The following RRP7A variants were observed in gnomAD, a reference collection of about 807,000 sequenced individuals.
The protein encoded by RRP7A is ribosomal RNA-processing protein 7 homolog A.
RRP7A carries 27 observed loss-of-function variants against 38.4 expected under a neutral mutation model. The ratio of observed to expected loss-of-function variants is 0.70; its 90% CI spans 0.52 to 0.97. The LOEUF is 0.97. Among genes scored for constraint, RRP7A ranks in the 50% least tolerant of loss-of-function variants. The pLI, the probability that RRP7A is intolerant of heterozygous loss-of-function variation, is 0.00. For synonymous variants in RRP7A, 124 were observed against 150.3 expected (o/e 0.83, Z 1.28); for missense variants, 327 against 375.4 (o/e 0.87, Z 1.07).
In RRP7A at chr22:42,509,171, T is replaced by C. The variant is rs1056566; in HGVS notation, c.*3739A>G. 0.28 allele frequency: 448,897 copies of C among 1,597,060 alleles called. 72,782 individuals are homozygous for C. The highest frequency in any genetic ancestry group is 0.88 in the East Asian group (39,212 of 44,644). ...AGGAGACATGGGCGCCAGGAATCTC[T>C]GGGAGGGGGCCCTGGCATGAGGCTC... On this transcript the variant is annotated 3_prime_UTR_variant, in exon 7 of 7. Coordinates refer to ENST00000323013, the MANE Select transcript of RRP7A (RefSeq NM_015703.5).
intron 1 of RRP7A, among the ~76,000 whole-genome samples, chr22:42,519,099 G>A (rs965720338): frequency 6.7e-6 from 1 of 148,958 alleles, no homozygotes. Context: ...TCCCTCAGAG[G>A]AACAGAAAGA....
In RRP7A at chr22:42,510,682, C is replaced by CCTGT; in HGVS notation, c.*2224_*2227dup. ...GAGAGAATTACTCTGACAAGGAGTC[C>CCTGT]CTGTCGTTCATGATAGACACAATGA... On this transcript the variant is annotated 3_prime_UTR_variant, in exon 7 of 7. Transcript: ENST00000323013. 1 of 1,447,636 alleles carries CCTGT rather than the reference C, an allele frequency of 6.9e-7. No homozygotes were observed. Among genetic ancestry groups the CCTGT allele is most frequent in the Non-Finnish European group, 9.5e-7 (1 of 1,050,864 alleles). 89.7% of individuals were successfully genotyped at this position (1,447,636 alleles called of 1,614,324 possible).
Position 42,511,976 on chromosome 22 carries a change from G to C in RRP7A, c.*934C>G. The C allele has an allele frequency of 1.4e-6, 1 of 697,286 alleles. No individual in the cohort carries two copies. Among genetic ancestry groups the C allele is most frequent in the East Asian group, 2.5e-5 (1 of 40,274 alleles). The allele number at this position is 697,286 out of a possible 1,614,324, so 43.2% of individuals were successfully genotyped here. A position where few individuals can be genotyped will look rare whatever the true frequency, so the allele number is the denominator to read the frequency against. On this transcript the variant is annotated 3_prime_UTR_variant, in exon 7 of 7. Coordinates refer to ENST00000323013, the MANE Select transcript of RRP7A (RefSeq NM_015703.5). ...TGGACTGTCGGGGCTCCAAGGAGCC[G>C]AGTGTGGGGGAAACTCACTGTGGGA...
intron 3 of RRP7A, among the ~76,000 whole-genome samples, 167 bp from the exon 4 acceptor site, chr22:42,515,435 A>C (rs1467595483): frequency 6.6e-6 from 1 of 152,252 alleles, no homozygotes; most frequent in East Asian, 1.9e-4. Context: ...GGTCAGAGGC[A>C]GCCACACTTC....
rs1271359092 is a variant in RRP7A, at chr22:42,518,065, C to G, written c.156G>C (p.Lys52Asn). 1 of 1,613,972 alleles carries G rather than the reference C, an allele frequency of 6.2e-7. No individual in the cohort carries two copies. Among genetic ancestry groups the G allele is most frequent in the Non-Finnish European group, 8.5e-7 (1 of 1,179,998 alleles). ...GAGTCCTCTTCTGAGGCCAGGTGGACTTGGTGCCTTGTCGAACGCCGTGTG... is the reference window on the plus strand; with the variant it reads ...GAGTCCTCTTCTGAGGCCAGGTGGAGTTGGTGCCTTGTCGAACGCCGTGTG... ...VRAHGVRQGT[K>N]STWPQKRTLF... Residue 52 changes from lysine (K) to asparagine (N), a missense_variant, in exon 2 of 7, where the codon AAG (lysine) becomes AAC (asparagine). Physicochemically the swap from Lys to Asn is moderately conservative, Grantham distance 94. This residue lies in a region of RRP7A where 183 missense variants were observed against 141.8 expected (regional missense o/e 1.29). Transcript: ENST00000323013.
Position 42,512,285 on chromosome 22 carries a change from G to C in RRP7A, c.*625C>G. The C allele has an allele frequency of 6.6e-7, 1 of 1,516,068 alleles. No homozygotes were observed. The allele number at this position is 1,516,068 out of a possible 1,614,324, so 93.9% of individuals were successfully genotyped here. Reference sequence around the variant, plus strand: ...ACCTAGTGCTCCCAGACTCAACACTGGGACTCTGAGTTCCTGAGCCCCACA... The same window carrying C: ...ACCTAGTGCTCCCAGACTCAACACTCGGACTCTGAGTTCCTGAGCCCCACA... On this transcript the variant is annotated 3_prime_UTR_variant, in exon 7 of 7. Transcript: ENST00000323013.
rs978928256 is a variant in RRP7A at position 42,510,166 on chromosome 22, T to C, written c.*2744A>G. The C allele has an allele frequency of 1.3e-5, 2 of 152,530 alleles. No homozygotes were observed. The highest frequency in any genetic ancestry group is 4.8e-5 in the African/African-American group (2 of 41,542). 9.4% of individuals were successfully genotyped at this position (152,530 alleles called of 1,614,324 possible). The stretch of plus-strand genomic sequence containing the variant: ...TTTTAGTACAGACAGGGTTTCACCA[T>C]GTTAGCCAGGATGGTCTCATCTCCT... On this transcript the variant is annotated 3_prime_UTR_variant, in exon 7 of 7. Transcript: ENST00000323013.
chr22:42,509,810 G>T lies in RRP7A; in HGVS notation c.*3100C>A, dbSNP rs1056171199. 2.2e-5 allele frequency among the ~76,000 whole-genome samples: 3 copies of T among 134,152 alleles called. No individual in the cohort carries two copies. Among genetic ancestry groups the T allele is most frequent in the African/African-American group, 8.1e-5 (3 of 36,816 alleles). The allele number at this position is 134,152 out of a possible 152,430, so 88.0% of individuals were successfully genotyped here. On this transcript the variant is annotated 3_prime_UTR_variant, in exon 7 of 7. Transcript: ENST00000323013. Reference sequence around the variant, plus strand: ...ACGGCAGAGACAAAGCCAGGTCATGGTTGCTCAGGACCGGAAGCCTGTTGG... The same window carrying T: ...ACGGCAGAGACAAAGCCAGGTCATGTTTGCTCAGGACCGGAAGCCTGTTGG...
At position 42,511,896 on chromosome 22, in the gene RRP7A, C is replaced by G; in HGVS notation, c.*1014G>C. ...CATGCAACTTCACAACTCAGCTGGC[C>G]TAGACCCCTGGGAGGCCTCCAAGTC... On this transcript the variant is annotated 3_prime_UTR_variant, in exon 7 of 7. Transcript: ENST00000323013. 1.6e-6 allele frequency: 1 copy of G among 607,444 alleles called. No individual in the cohort carries two copies. The highest frequency in any genetic ancestry group is 2.8e-5 in the East Asian group (1 of 35,368). 37.6% of individuals were successfully genotyped at this position (607,444 alleles called of 1,614,324 possible).
rs766211772 is a variant in RRP7A at position 42,519,795 on chromosome 22, C to A, written c.-9G>T. The A allele has an allele frequency of 2.6e-5, 37 of 1,418,472 alleles. No individual in the cohort carries two copies. Among genetic ancestry groups the A allele is most frequent in the Middle Eastern group, 2.4e-4 (1 of 4,174 alleles). The allele number at this position is 1,418,472 out of a possible 1,614,324, so 87.9% of individuals were successfully genotyped here. A position where few individuals can be genotyped will look rare whatever the true frequency, so the allele number is the denominator to read the frequency against. ...CTCCTGCGCGCCACCATCTTGCCAC[C>A]CGGGAGCGCGGGGGCCGCCGGGAGT... On this transcript the variant is annotated 5_prime_UTR_variant, in exon 1 of 7. Coordinates refer to ENST00000323013, the MANE Select transcript of RRP7A (RefSeq NM_015703.5).
At position 42,512,054 on chromosome 22, in the gene RRP7A, G is replaced by C; in HGVS notation, c.*856C>G. ...ATGCTGTGGGAGGGCCCTGACCCCG[G>C]GGCCCATGGAGCTCCCTAGGCTCCT... On this transcript the variant is annotated 3_prime_UTR_variant, in exon 7 of 7. Coordinates refer to ENST00000323013, the MANE Select transcript of RRP7A (RefSeq NM_015703.5). 1 of 1,268,408 alleles carries C rather than the reference G, an allele frequency of 7.9e-7. No individual in the cohort carries two copies. The highest frequency in any genetic ancestry group is 1.2e-6 in the Non-Finnish European group (1 of 867,610). 78.6% of individuals were successfully genotyped at this position (1,268,408 alleles called of 1,614,324 possible).
intron 1 of RRP7A, among the ~76,000 whole-genome samples, chr22:42,518,879 A>T (rs1337362983): frequency 6.6e-6 from 1 of 152,092 alleles, no homozygotes; most frequent in Non-Finnish European, 1.5e-5. Context: ...CTCAGTTGCA[A>T]TAACGGAGAA....
chr22:42,509,018 G>A lies in RRP7A; in HGVS notation c.*3892C>T, dbSNP rs1037293225. 6 of 1,611,360 alleles carry A rather than the reference G, an allele frequency of 3.7e-6. No homozygotes were observed. The highest frequency in any genetic ancestry group is 1.3e-5 in the African/African-American group (1 of 74,910). ...TGTGACGAGAATTCACCATGTTTTT[G>A]TCTCTGCAGGCAGAGAACAGCATTG... On this transcript the variant is annotated 3_prime_UTR_variant, in exon 7 of 7. Coordinates refer to ENST00000323013, the MANE Select transcript of RRP7A (RefSeq NM_015703.5).
chr22:42,516,897 C>T (rs1209645699), intron 2 of RRP7A, among the ~76,000 whole-genome samples: 4 of 152,280 alleles, frequency 2.6e-5, no homozygotes, highest in Middle Eastern at 3.4e-3. Context: ...GGTCAGAACT[C>T]ACACCCCCTC....
At chr22:42,516,550 T>C (rs1601807766) in intron 2 of RRP7A, 2 of 351,924 alleles carry the variant, frequency 5.7e-6, no homozygotes, top group Non-Finnish European at 1.1e-5. Context: ...TGACCTCAGG[T>C]GATCCGCCCG....
chr22:42,517,983 T>C, intron 2 of RRP7A, 22 bp downstream of exon 2: 1 of 1,609,376 alleles, frequency 6.2e-7, no homozygotes, highest in East Asian at 2.2e-5. Context: ...ACAGGTCTCC[T>C]CCCAGACAGA....
In RRP7A at chr22:42,516,001, G is replaced by T; in HGVS notation, c.342+10C>A. 6.3e-7 allele frequency: 1 copy of T among 1,584,550 alleles called. No homozygotes were observed. Among genetic ancestry groups the T allele is most frequent in the South Asian group, 1.1e-5 (1 of 87,082 alleles). On this transcript the variant is annotated intron_variant, in intron 3 of 6. Transcript: ENST00000323013. ...CTCACTCTAGTGGAACCCCGGGCTT[G>T]GCGGCTCACCGGAACTGGCTTGGGA...
At position 42,514,741 on chromosome 22, in the gene RRP7A, C is replaced by T; in HGVS notation, c.499G>A (p.Glu167Lys). 1 of 1,611,866 alleles carries T rather than the reference C, an allele frequency of 6.2e-7. No homozygotes were observed. Reference protein sequence around the residue: ...SDYADSVPDPEALRVEVDTFM... With the variant: ...SDYADSVPDPKALRVEVDTFM... The stretch of plus-strand genomic sequence containing the variant: ...GTGTCCACTTCCACCCTCAGGGCCT[C>T]AGGGTCGGGCACAGAGTCTGCGTAG... The change falls in exon 5 of 7, where the codon GAG becomes AAG. Residue 167 changes from glutamate to lysine, a missense_variant. Glu to Lys is a moderately conservative substitution (Grantham distance 56). Coordinates refer to ENST00000323013, the MANE Select transcript of RRP7A (RefSeq NM_015703.5).
intron 5 of RRP7A, 99 bp downstream of exon 5, chr22:42,514,583 G>A: frequency 9.5e-7 from 1 of 1,053,450 alleles, no homozygotes; most frequent in Non-Finnish European, 1.4e-6. Context: ...CCTCTACAGA[G>A]TGGCCAAGGA....
Sources: allele counts gnomAD v4.1 joint callset (sites outside exome capture counted in the v4.1 genomes callset), GRCh38; gene constraint gnomAD v4.1.1; regional missense constraint gnomAD v4.1.1; transcripts MANE v1.5; gene names NCBI Gene and HGNC (gene_info 2026-07-23, HGNC 2026-07-21).